The following CDH23 variants were observed in gnomAD, a reference collection of about 807,000 sequenced individuals.
CDH23 encodes cadherin-23.
A neutral mutation model predicts 317.1 loss-of-function variants in CDH23; 189 were observed. The observed-to-expected ratio is 0.60, with a 90% CI of 0.53 to 0.67. The LOEUF (loss-of-function observed/expected upper bound fraction) is 0.67. Ranked by LOEUF, CDH23 falls within the 30% of genes least tolerant of loss-of-function variation. The pLI is 0.00. For synonymous variants in CDH23, 1,839 were observed against 1,876.8 expected, an observed-to-expected ratio of 0.98 and a Z score of 0.52; for missense variants, 4,401 against 4,592.4, an observed-to-expected ratio of 0.96 and a Z score of 1.20.
At position 71,697,504 on chromosome 10, in the gene CDH23, C is replaced by T. The variant is rs1466196172; in HGVS notation, c.2397+1979C>T. ...GGCAACATAGTAAGATCCCCACCCC[C>T]TTTATAAAATTTTTTTTAAGTAGCC... is the stretch of plus-strand genomic sequence containing the variant. On this transcript the variant is annotated intron_variant, in intron 22 of 69. Coordinates refer to ENST00000224721, the MANE Select transcript of CDH23 (RefSeq NM_022124.6). Among the ~76,000 whole-genome samples, 7 of 152,140 alleles carry T rather than the reference C, an allele frequency of 4.6e-5. No individual in the cohort carries two copies. The South Asian group carries it at 8.3e-4, about 18-fold the overall frequency.
At chr10:71,582,415 A>G (rs1404392348) in intron 9 of CDH23, among the ~76,000 whole-genome samples, 2 of 152,216 alleles carry the variant, frequency 1.3e-5, no homozygotes, top group Non-Finnish European at 2.9e-5. Context: ...TGAAATGATA[A>G]TATTTTGGAT....
At chr10:71,812,659 G>A in intron 67 of CDH23, 50 bp downstream of exon 67, 1 of 1,612,924 alleles carries the variant, frequency 6.2e-7, no homozygotes, top group East Asian at 2.2e-5. Flanking sequence ...GGAGGGGCTG[G>A]GTCTTTGCAA....
intron 11 of CDH23, among the ~76,000 whole-genome samples, chr10:71,620,642 T>G (rs1221396331): frequency 6.6e-6 from 1 of 152,142 alleles, no homozygotes. Context: ...CATTCCCTGC[T>G]CTCCATGGCT....
At chr10:71,607,655 C>A (rs2132493244) in intron 9 of CDH23, among the ~76,000 whole-genome samples, 1 of 152,282 alleles carries the variant, frequency 6.6e-6, no homozygotes, top group East Asian at 1.9e-4. Context: ...GTAATCCCAG[C>A]ACTTTTGGAG....
intron 41 of CDH23, among the ~76,000 whole-genome samples, chr10:71,783,885 C>T (rs528015369): frequency 4.6e-5 from 7 of 152,210 alleles, no homozygotes; most frequent in Non-Finnish European, 5.9e-5. Context: ...TGGGATGGAT[C>T]GTACATTGCG....
chr10:71,481,059 T>C (rs1852039189), intron 3 of CDH23, among the ~76,000 whole-genome samples: 2 of 151,744 alleles, frequency 1.3e-5, no homozygotes, highest in African/African-American at 4.8e-5. Flanking sequence ...AAACTTGGGG[T>C]GGGGTTGAGG....
intron 3 of CDH23, among the ~76,000 whole-genome samples, chr10:71,503,203 A>G (rs1853435455): frequency 6.6e-6 from 1 of 152,232 alleles, no homozygotes; most frequent in African/African-American, 2.4e-5. Flanking sequence ...TCTGGTGGGC[A>G]GATTCCTACC....
rs1199894992 is a variant in CDH23 at position 71,730,571 on chromosome 10, G to A, written c.3682G>A (p.Val1228Ile). Residue 1228 changes from valine to isoleucine, a missense_variant, in exon 31 of 70, where the codon GTC becomes ATC. Physicochemically the swap from Val to Ile is conservative, Grantham distance 29 (BLOSUM62 3). This residue lies in a region of CDH23 where 3,068 missense variants were observed against 3,203.3 expected (regional missense o/e 0.96). Transcript: ENST00000224721. Reference protein sequence around the residue: ...LRETAGIGTSVIVVQATDRDS... With the variant: ...LRETAGIGTSIIVVQATDRDS... ...AGAGACCGCAGGCATTGGAACGTCAGTCATCGTGGTCCAAGCCACAGACCG... is the reference window on the plus strand; with the variant it reads ...AGAGACCGCAGGCATTGGAACGTCAATCATCGTGGTCCAAGCCACAGACCG... 3.1e-6 allele frequency: 5 copies of A among 1,613,918 alleles called. No homozygotes were observed. Among genetic ancestry groups the A allele is most frequent in the Non-Finnish European group, 4.2e-6 (5 of 1,179,890 alleles).
intron 14 of CDH23, among the ~76,000 whole-genome samples, chr10:71,669,815 A>G (rs554426758): frequency 6.6e-6 from 1 of 152,142 alleles, no homozygotes; most frequent in East Asian, 1.9e-4. Flanking sequence ...TGTTGGGCAC[A>G]GCAGCCAGCA....
chr10:71,767,863 C>T (rs1307490650), intron 38 of CDH23, among the ~76,000 whole-genome samples: 5 of 152,234 alleles, frequency 3.3e-5, no homozygotes, highest in Non-Finnish European at 7.3e-5. Context: ...ACTTCCAGCA[C>T]CTTGGGAAAG....
At chr10:71,657,395 G>C (rs1328051899) in intron 14 of CDH23, among the ~76,000 whole-genome samples, 1 of 152,242 alleles carries the variant, frequency 6.6e-6, no homozygotes, top group Non-Finnish European at 1.5e-5. Flanking sequence ...ACCAATGCCT[G>C]CTGTGTCAGA....
chr10:71,682,005 G>A (rs148989907), intron 17 of CDH23, among the ~76,000 whole-genome samples: 1 of 152,208 alleles, frequency 6.6e-6, no homozygotes, highest in African/African-American at 2.4e-5. Context: ...GCAGCTTCCA[G>A]ACTGACGGGG....
At chr10:71,755,984 A>G (rs746903978) in intron 38 of CDH23, among the ~76,000 whole-genome samples, 22 of 152,206 alleles carry the variant, frequency 1.4e-4, no homozygotes, top group Non-Finnish European at 5.9e-5. Flanking sequence ...ATGTTTTATC[A>G]TAATAGATAA....
chr10:71,805,223 T>G (rs1434784369), intron 55 of CDH23, among the ~76,000 whole-genome samples: 1 of 152,218 alleles, frequency 6.6e-6, no homozygotes, highest in Non-Finnish European at 1.5e-5. Context: ...TTCAGGAGAC[T>G]GAGGCTCAGG....
chr10:71,424,859 C>A (rs777076513), intron 1 of CDH23, among the ~76,000 whole-genome samples: 3 of 152,206 alleles, frequency 2.0e-5, no homozygotes, highest in African/African-American at 7.2e-5. Context: ...AGTAAAGGGA[C>A]TGCTTCTGCC....
rs116313013 is a variant in CDH23 at position 71,701,653 on chromosome 10, G to A, written c.2398-369G>A. Among the ~76,000 whole-genome samples the A allele has an allele frequency of 7.4e-3, 1,131 of 152,164 alleles. 14 individuals carry two copies. Among genetic ancestry groups the A allele is most frequent in the African/African-American group, 0.026 (1,074 of 41,486 alleles). ...ACTGGGTCCCACCTTCTGAAACTGG[G>A]CCCCAGCCATGGCTTCCTTCACATG... On this transcript the variant is annotated intron_variant, in intron 22 of 69. Transcript: ENST00000224721.
intron 3 of CDH23, among the ~76,000 whole-genome samples, chr10:71,460,226 C>T (rs527237783): frequency 2.0e-5 from 3 of 152,316 alleles, no homozygotes; most frequent in Non-Finnish European, 4.4e-5. Flanking sequence ...ACTTCCAGCC[C>T]AGGGGCTGGT....
At position 71,687,512 on chromosome 10, in the gene CDH23, C is replaced by G. The variant is rs560405903; in HGVS notation, c.1987-135C>G. 1.7e-5 allele frequency: 13 copies of G among 745,498 alleles called. No individual in the cohort carries two copies. The East Asian group carries it at 2.7e-4, about 15-fold the overall frequency. 46.2% of individuals were successfully genotyped at this position (745,498 alleles called of 1,614,324 possible). A position where few individuals can be genotyped will look rare whatever the true frequency, so the allele number is the denominator to read the frequency against. On this transcript the variant is annotated intron_variant, in intron 18 of 69. Transcript: ENST00000224721. ...GACTCCCTGCTGACACCTCACCTGGCTCTGGTTATACGGAGAGGCCAAAGC... is the reference window on the plus strand; with the variant it reads ...GACTCCCTGCTGACACCTCACCTGGGTCTGGTTATACGGAGAGGCCAAAGC...
In CDH23 at chr10:71,679,445, C is replaced by T. The variant is rs1482012935; in HGVS notation, c.1811C>T (p.Ser604Phe). Residue 604 changes from serine to phenylalanine, a missense_variant, in exon 17 of 70, where the codon TCT becomes TTT. Ser to Phe is a radical substitution (Grantham distance 155). Coordinates refer to ENST00000224721, the MANE Select transcript of CDH23 (RefSeq NM_022124.6). ...ATCACCTACAGCATTGTCAGTGCAT[C>T]TGCCTTTGGCAGCTACTTCGACATC... ...NQITYSIVSASAFGSYFDISL... is the reference protein window; with the variant it reads ...NQITYSIVSAFAFGSYFDISL... The T allele has an allele frequency of 1.2e-6, 2 of 1,613,620 alleles. No homozygotes were observed. The highest frequency in any genetic ancestry group is 1.7e-6 in the Non-Finnish European group (2 of 1,179,726).
Sources: gnomAD v4.1 joint callset for allele counts (sites outside exome capture counted in the v4.1 genomes callset) on GRCh38, gnomAD v4.1.1 for gene constraint, gnomAD v4.1.1 regional missense constraint, MANE v1.5 for transcripts, NCBI Gene and HGNC (gene_info 2026-07-23, HGNC 2026-07-21) for gene names.